The following KDM3B variants were observed in gnomAD, a reference collection of about 807,000 sequenced individuals.
The protein encoded by KDM3B is lysine-specific demethylase 3B.
KDM3B carries 10 observed loss-of-function variants against 170.0 expected under a neutral mutation model. That is an observed-to-expected ratio of 0.06 (90% CI 0.04 to 0.10). The LOEUF is 0.10. Ranked by LOEUF, KDM3B falls within the 10% of genes least tolerant of loss-of-function variation. The pLI is 1.00. For missense variants in KDM3B, 1,394 were observed against 2,195.2 expected, an observed-to-expected ratio of 0.64 and a Z score of 7.29; for synonymous variants, 831 against 834.8, an observed-to-expected ratio of 1.00 and a Z score of 0.08.
Position 138,391,849 on chromosome 5 carries a change from A to G in KDM3B, c.2217A>G (p.Pro739=), listed in dbSNP as rs774490158. 9.9e-6 allele frequency: 16 copies of G among 1,613,966 alleles called. No individual in the cohort carries two copies. The highest frequency in any genetic ancestry group is 1.4e-5 in the Non-Finnish European group (16 of 1,180,020). The part of the protein sequence containing the change: ...TSSLTQPIEM[P]TLSSSPTEER... ...GCCTCACTCAGCCCATTGAGATGCCAACTCTCTCCTCTAGCCCCACAGAGG... is the reference window on the plus strand; with the variant it reads ...GCCTCACTCAGCCCATTGAGATGCCGACTCTCTCCTCTAGCCCCACAGAGG... The change falls in exon 8 of 24, where the codon CCA becomes CCG. Residue 739 remains proline (P), a synonymous_variant. Coordinates refer to ENST00000314358, the MANE Select transcript of KDM3B (RefSeq NM_016604.4). This position sits in a 1 kb window ranked among gnomAD's most constrained non-coding sequence, Gnocchi z 5.0.
intron 1 of KDM3B, among the ~76,000 whole-genome samples, chr5:138,368,983 T>C (rs1226266243): frequency 1.3e-5 from 2 of 152,202 alleles, no homozygotes; most frequent in Non-Finnish European, 1.5e-5. Flanking sequence ...CAGTGACTTA[T>C]TTTAGTGTTG....
chr5:138,395,695 C>A (rs1248340521), intron 9 of KDM3B, among the ~76,000 whole-genome samples: 1 of 152,096 alleles, frequency 6.6e-6, no homozygotes, highest in Non-Finnish European at 1.5e-5. Flanking sequence ...TGGCTCACTG[C>A]AACCTCCATC....
At chr5:138,398,571 C>T (rs768742721) in intron 10 of KDM3B, among the ~76,000 whole-genome samples, 179 bp downstream of exon 10, 11 of 152,186 alleles carry the variant, frequency 7.2e-5, no homozygotes, top group South Asian at 2.1e-4. Context: ...CAGCAGACCT[C>T]ATTCTTTCAG....
chr5:138,381,457 T>G, intron 5 of KDM3B, 59 bp from the exon 6 acceptor site: 2 of 1,047,858 alleles, frequency 1.9e-6, no homozygotes, highest in Non-Finnish European at 3.0e-6. Flanking sequence ...GATTAGGAAA[T>G]TATATAATTA....
chr5:138,385,083 G>A (rs144174511), intron 6 of KDM3B, among the ~76,000 whole-genome samples: 137 of 151,542 alleles, frequency 9.0e-4, no homozygotes, highest in Middle Eastern at 3.4e-3. Context: ...GTGCAGTGGC[G>A]CAATCTCGGC....
intron 1 of KDM3B, among the ~76,000 whole-genome samples, chr5:138,361,478 A>G (rs1761609017): frequency 6.6e-6 from 1 of 152,170 alleles, no homozygotes. Flanking sequence ...ATACCTATCC[A>G]GAGATCTGCA....
rs1762035833 is a variant in KDM3B at position 138,377,816 on chromosome 5, T to C, written c.571T>C (p.Phe191Leu). 5.0e-6 allele frequency: 8 copies of C among 1,611,906 alleles called. No individual in the cohort carries two copies. The highest frequency in any genetic ancestry group is 5.1e-6 in the Non-Finnish European group (6 of 1,178,036). Residue 191 changes from phenylalanine to leucine, a missense_variant, in exon 4 of 24, where the codon TTC becomes CTC. Physicochemically the swap from Phe to Leu is conservative, Grantham distance 22 (BLOSUM62 0). Transcript: ENST00000314358. ...LISDQKLQEI[F>L]SRGPYSVQGH... The stretch of plus-strand genomic sequence containing the variant: ...CAGTGACCAAAAGCTACAAGAGATA[T>C]TCAGCCGAGGTAAGAACGGATAGTC...
chr5:138,419,244 A>G lies in KDM3B; in HGVS notation c.3715+12A>G. 1.2e-6 allele frequency: 2 copies of G among 1,610,878 alleles called. No homozygotes were observed. Among genetic ancestry groups the G allele is most frequent in the Non-Finnish European group, 1.7e-6 (2 of 1,177,636 alleles). On this transcript the variant is annotated intron_variant, in intron 14 of 23. Transcript: ENST00000314358. ...AGAAGAAACAAAAGGTGAGATGCACACAAACCTCTGCTCTGCCTATGGTAG... is the reference window on the plus strand; with the variant it reads ...AGAAGAAACAAAAGGTGAGATGCACGCAAACCTCTGCTCTGCCTATGGTAG...
intron 23 of KDM3B, among the ~76,000 whole-genome samples, chr5:138,433,315 T>G (rs1763585179): frequency 6.6e-6 from 1 of 151,472 alleles, no homozygotes; most frequent in South Asian, 2.1e-4. Flanking sequence ...GGTTTCACCA[T>G]CTTGGCCAGG....
chr5:138,398,219 T>A lies in KDM3B; in HGVS notation c.2873T>A (p.Phe958Tyr). The A allele has an allele frequency of 1.2e-6, 2 of 1,613,960 alleles. No individual in the cohort carries two copies. The highest frequency in any genetic ancestry group is 1.7e-6 in the Non-Finnish European group (2 of 1,179,978). ...TRKGVLRVEG[F>Y]LSPQQSDPDA... ...AAAGGGGTACTCCGTGTGGAGGGGT[T>A]TTTAAGCCCCCAGCAAAGTGACCCT... is the stretch of plus-strand genomic sequence containing the variant. The change falls in exon 10 of 24, where the codon TTT becomes TAT. Residue 958 changes from phenylalanine (F) to tyrosine (Y), a missense_variant. By Grantham distance (22) the Phe-to-Tyr change is conservative. Coordinates refer to ENST00000314358, the MANE Select transcript of KDM3B (RefSeq NM_016604.4).
chr5:138,390,021 G>A (rs765304452), intron 7 of KDM3B, among the ~76,000 whole-genome samples: 10 of 151,736 alleles, frequency 6.6e-5, no homozygotes, highest in Non-Finnish European at 1.3e-4. Context: ...CACCATGCCC[G>A]GCTCATTTTT....
At chr5:138,395,888 G>A (rs919177856) in intron 9 of KDM3B, among the ~76,000 whole-genome samples, 6 of 152,068 alleles carry the variant, frequency 3.9e-5, no homozygotes, top group Admixed American at 2.6e-4. Flanking sequence ...AAAGTGCAGG[G>A]CTTATGGGTG....
chr5:138,411,703 T>G (rs1443777718), intron 11 of KDM3B, among the ~76,000 whole-genome samples: 1 of 149,076 alleles, frequency 6.7e-6, no homozygotes, highest in Non-Finnish European at 1.5e-5. Flanking sequence ...TTCTTTTAAT[T>G]TTTTTTTTTT....
intron 1 of KDM3B, among the ~76,000 whole-genome samples, chr5:138,367,085 C>G (rs1373977666): frequency 6.6e-6 from 1 of 152,194 alleles, no homozygotes; most frequent in Non-Finnish European, 1.5e-5. Context: ...TTGTATACTA[C>G]TACCTCTTCT....
intron 3 of KDM3B, among the ~76,000 whole-genome samples, 167 bp downstream of exon 3, chr5:138,375,373 T>A (rs1761971445): frequency 6.6e-6 from 1 of 151,664 alleles, no homozygotes; most frequent in Non-Finnish European, 1.5e-5. Context: ...TATTTTATTT[T>A]ATTTATTTAT....
chr5:138,358,441 T>G (rs1325936626), intron 1 of KDM3B, among the ~76,000 whole-genome samples: 1 of 151,358 alleles, frequency 6.6e-6, no homozygotes, highest in Non-Finnish European at 1.5e-5. Flanking sequence ...TAGCTGAGAT[T>G]ACAGGCGTGC....
rs1763248283 is a variant in KDM3B, at chr5:138,420,607, G to T, written c.3716-99G>T. On this transcript the variant is annotated intron_variant, in intron 14 of 23. Transcript: ENST00000314358. ...TTTGGGGGGTGCAAGGGAAAGGAGAGAATCTTTCCTCCTTCCCATGTGACT... is the reference window on the plus strand; with the variant it reads ...TTTGGGGGGTGCAAGGGAAAGGAGATAATCTTTCCTCCTTCCCATGTGACT... 3 of 1,311,362 alleles carry T rather than the reference G, an allele frequency of 2.3e-6. 1 individual carries two copies. The highest frequency in any genetic ancestry group is 2.5e-5 in the South Asian group (2 of 79,002). 81.2% of individuals were successfully genotyped at this position (1,311,362 alleles called of 1,614,324 possible).
intron 17 of KDM3B, chr5:138,426,707 A>G (rs1763403139): frequency 5.8e-6 from 2 of 346,164 alleles, no homozygotes; most frequent in Non-Finnish European, 5.6e-6. Flanking sequence ...CCTGGCCAAC[A>G]TGGCAAAACC....
intron 23 of KDM3B, among the ~76,000 whole-genome samples, chr5:138,434,489 A>G (rs546159993): frequency 1.8e-3 from 272 of 151,208 alleles, no homozygotes; most frequent in Non-Finnish European, 3.0e-3. Flanking sequence ...CGGAGGTTGC[A>G]GTGAGCTGAG....
Sources: gnomAD v4.1 joint callset for allele counts (sites outside exome capture counted in the v4.1 genomes callset) on GRCh38, gnomAD v4.1.1 for gene constraint, Gnocchi (gnomAD v3.1) non-coding constraint, MANE v1.5 for transcripts, NCBI Gene and HGNC (gene_info 2026-07-23, HGNC 2026-07-21) for gene names.